The following EML6 variants were observed in gnomAD, a reference collection of about 807,000 sequenced individuals.
EML6 encodes EMAP like 6, also known as echinoderm microtubule-associated protein-like 6.
EML6 carries 154 observed loss-of-function variants against 240.1 expected under a neutral mutation model. That is an observed-to-expected ratio of 0.64 (90% CI 0.56 to 0.73). The LOEUF is 0.73. Among genes scored for constraint, EML6 ranks in the 30% least tolerant of loss-of-function variants. The pLI is 0.00. For missense variants in EML6, 2,964 were observed against 2,474.6 expected (o/e 1.20, Z -4.20); for synonymous variants, 1,148 against 899.0 (o/e 1.28, Z -4.95).
chr2:54,832,042 A>T (rs1217219370), intron 7 of EML6, among the ~76,000 whole-genome samples: 1 of 152,218 alleles, frequency 6.6e-6, no homozygotes, highest in Non-Finnish European at 1.5e-5. Flanking sequence ...ACCTAAAATT[A>T]TCCTCTCCCC....
intron 16 of EML6, among the ~76,000 whole-genome samples, chr2:54,874,519 T>C (rs1372634235): frequency 6.6e-6 from 1 of 152,176 alleles, no homozygotes; most frequent in Non-Finnish European, 1.5e-5. Context: ...TCAGCAAATG[T>C]GTTGTTTTTG....
At chr2:54,772,518 A>T (rs1193312088) in intron 2 of EML6, among the ~76,000 whole-genome samples, 1 of 152,246 alleles carries the variant, frequency 6.6e-6, no homozygotes, top group Non-Finnish European at 1.5e-5. Context: ...GAGATTTGAT[A>T]ATTTCATTCC....
intron 15 of EML6, 137 bp downstream of exon 15, chr2:54,869,504 A>G (rs1671143504): frequency 1.4e-6 from 1 of 714,052 alleles, no homozygotes; most frequent in Admixed American, 2.9e-5. Flanking sequence ...TGATCATTGG[A>G]TCCTTCCAAG....
intron 10 of EML6, among the ~76,000 whole-genome samples, chr2:54,852,171 G>T (rs1415883748): frequency 1.3e-5 from 2 of 152,128 alleles, no homozygotes; most frequent in African/African-American, 2.4e-5. Flanking sequence ...TTGGTGAAAT[G>T]TGCCCATTGG....
chr2:54,965,548 A>G (rs1344705294), intron 38 of EML6, among the ~76,000 whole-genome samples: 1 of 152,176 alleles, frequency 6.6e-6, no homozygotes, highest in East Asian at 1.9e-4. Flanking sequence ...CTCCCTGAGC[A>G]TTCCGGAAGC....
At chr2:54,949,249 G>A (rs1244126177) in intron 29 of EML6, among the ~76,000 whole-genome samples, 1 of 152,044 alleles carries the variant, frequency 6.6e-6, no homozygotes, top group South Asian at 2.1e-4. Flanking sequence ...CCTCCACTTG[G>A]TCCCACTCAG....
At chr2:54,891,547 C>T (rs969794509) in intron 18 of EML6, among the ~76,000 whole-genome samples, 1 of 151,896 alleles carries the variant, frequency 6.6e-6, no homozygotes, top group Non-Finnish European at 1.5e-5. Flanking sequence ...TGAATTAAAC[C>T]CTGAGTCTGC....
chr2:54,925,572 G>T (rs973264354), intron 26 of EML6, among the ~76,000 whole-genome samples: 2 of 151,962 alleles, frequency 1.3e-5, no homozygotes, highest in East Asian at 3.9e-4. Context: ...CATCTCTTCC[G>T]GGCATTTTTC....
intron 10 of EML6, among the ~76,000 whole-genome samples, chr2:54,852,965 C>G (rs915624759): frequency 6.6e-6 from 1 of 152,226 alleles, no homozygotes. Flanking sequence ...TGGGAATATA[C>G]ACAGCACAAC....
In EML6 at chr2:54,764,166, A is replaced by C. The variant is rs374763259; in HGVS notation, c.197+38908A>C. 2.0e-5 allele frequency among the ~76,000 whole-genome samples: 3 copies of C among 152,356 alleles called. No homozygotes were observed. The South Asian group carries it at 6.2e-4, about 32-fold the overall frequency. On this transcript the variant is annotated intron_variant, in intron 2 of 41. Transcript: ENST00000356458. Reference sequence around the variant, plus strand: ...CCAGTTATTTTCAATATGCCATTTTAGAAAGGTTATAGACAGCGGCCATTT... The same window carrying C: ...CCAGTTATTTTCAATATGCCATTTTCGAAAGGTTATAGACAGCGGCCATTT...
chr2:54,954,461 T>G (rs926730010), intron 32 of EML6, among the ~76,000 whole-genome samples: 25 of 152,174 alleles, frequency 1.6e-4, no homozygotes, highest in African/African-American at 5.6e-4. Flanking sequence ...CCCCGACATC[T>G]GTCTTAGCCA....
At chr2:54,813,817 AT>A (rs1430507495) in intron 3 of EML6, among the ~76,000 whole-genome samples, 1 of 152,158 alleles carries the variant, frequency 6.6e-6, no homozygotes. Context: ...CACTGAGAAG[AT>A]TATCCTTGAC....
chr2:54,815,723 C>T (rs1271662779), intron 3 of EML6, among the ~76,000 whole-genome samples: 4 of 152,158 alleles, frequency 2.6e-5, no homozygotes, highest in East Asian at 1.9e-4. Context: ...ATTAAAAATT[C>T]CTAATGGAAG....
chr2:54,793,545 C>A (rs758847152), intron 2 of EML6, among the ~76,000 whole-genome samples: 22 of 152,130 alleles, frequency 1.4e-4, no homozygotes, highest in Non-Finnish European at 2.8e-4. Flanking sequence ...TGTCGAACTT[C>A]CTCACACGCC....
intron 13 of EML6, among the ~76,000 whole-genome samples, chr2:54,864,767 G>T (rs1221503783): frequency 6.6e-6 from 1 of 152,180 alleles, no homozygotes; most frequent in Admixed American, 6.5e-5. Flanking sequence ...GCTTACCTAG[G>T]CTTATCTCCA....
chr2:54,797,183 A>AAAAAAAC (rs1669857031), intron 2 of EML6, among the ~76,000 whole-genome samples: 3 of 149,200 alleles, frequency 2.0e-5, no homozygotes, highest in African/African-American at 7.4e-5. Flanking sequence ...AAAAAAAAAA[A>AAAAAAAC]AAAAAACTGT....
intron 2 of EML6, among the ~76,000 whole-genome samples, chr2:54,784,664 T>C (rs1668999677): frequency 6.6e-6 from 1 of 152,216 alleles, no homozygotes; most frequent in African/African-American, 2.4e-5. Flanking sequence ...AACACATATT[T>C]TCTATGTTAT....
chr2:54,946,802 G>T (rs147282235), intron 28 of EML6, among the ~76,000 whole-genome samples: 24 of 152,078 alleles, frequency 1.6e-4, no homozygotes, highest in African/African-American at 5.3e-4. Context: ...CACAATGCAG[G>T]TTTCTTCCCC....
chr2:54,896,941 G>A (rs971019385), intron 21 of EML6, among the ~76,000 whole-genome samples: 1 of 152,190 alleles, frequency 6.6e-6, no homozygotes, highest in African/African-American at 2.4e-5. Flanking sequence ...GTCGTGCCTT[G>A]CAGCCAGGCT....
Sources: gnomAD v4.1 joint callset for allele counts (sites outside exome capture counted in the v4.1 genomes callset) on GRCh38, gnomAD v4.1.1 for gene constraint, MANE v1.5 for transcripts, NCBI Gene and HGNC (gene_info 2026-07-23, HGNC 2026-07-21) for gene names.